The following STK32B variants were observed in gnomAD, a reference collection of about 807,000 sequenced individuals.
The protein encoded by STK32B is serine/threonine kinase 32B.
STK32B carries 43 observed loss-of-function variants against 52.6 expected under a neutral mutation model. The ratio of observed to expected loss-of-function variants is 0.82; its 90% CI spans 0.64 to 1.05. STK32B has a LOEUF of 1.05. STK32B is among the 50% of genes least tolerant of loss of function. The pLI is 0.00. For missense variants in STK32B, 621 were observed against 534.6 expected, an observed-to-expected ratio of 1.16 and a Z score of -1.59; for synonymous variants, 238 against 204.3, an observed-to-expected ratio of 1.17 and a Z score of -1.41.
intron 1 of STK32B, among the ~76,000 whole-genome samples, chr4:5,091,658 C>T (rs1713086279): frequency 6.6e-6 from 1 of 152,118 alleles, no homozygotes; most frequent in African/African-American, 2.4e-5. Context: ...AACAGCTTGA[C>T]AGTTCCTAAA....
rs746593273 is a variant in STK32B at position 5,446,752 on chromosome 4, A to C, written c.642A>C (p.Thr214=). ...TCGACTGGTGGTCCCTGGGCATCAC[A>C]GCCTATGAGCTGCTGCGGGGCTGGG... ...YPVDWWSLGI[T]AYELLRGWRP... The change falls in exon 7 of 12, where the codon ACA becomes ACC. Residue 214 remains threonine (T), a synonymous_variant. Coordinates refer to ENST00000282908, the MANE Select transcript of STK32B (RefSeq NM_018401.3). 28 of 1,613,892 alleles carry C rather than the reference A, an allele frequency of 1.7e-5. No homozygotes were observed. In the Middle Eastern group the frequency reaches 6.6e-4, roughly 38 times the overall value.
At chr4:5,139,635 G>C in intron 1 of STK32B, 1 of 458,908 alleles carries the variant, frequency 2.2e-6, no homozygotes, top group African/African-American at 1.9e-5. Context: ...GCAGAAGTGG[G>C]GTAGAGAGTG....
intron 3 of STK32B, among the ~76,000 whole-genome samples, chr4:5,266,784 TTG>T (rs1727084588): frequency 6.6e-6 from 1 of 152,324 alleles, no homozygotes; most frequent in South Asian, 2.1e-4. Flanking sequence ...ATCCAGATTC[TTG>T]TGTCTTTGCA....
intron 1 of STK32B, among the ~76,000 whole-genome samples, chr4:5,081,642 T>A (rs1712434888): frequency 6.6e-6 from 1 of 152,170 alleles, no homozygotes; most frequent in Non-Finnish European, 1.5e-5. Context: ...GATTCTTTAT[T>A]CTTCTTGATC....
At chr4:5,263,656 A>G (rs747388067) in intron 3 of STK32B, among the ~76,000 whole-genome samples, 9 of 152,218 alleles carry the variant, frequency 5.9e-5, no homozygotes, top group Non-Finnish European at 1.0e-4. Context: ...AGTATTTTAC[A>G]TATTATGATA....
At position 5,456,978 on chromosome 4, in the gene STK32B, C is replaced by T. The variant is rs900789859; in HGVS notation, c.783+55C>T. The T allele has an allele frequency of 1.6e-5, 21 of 1,277,354 alleles. No homozygotes were observed. The East Asian group carries it at 2.9e-4, about 18-fold the overall frequency. The allele number at this position is 1,277,354 out of a possible 1,614,324, so 79.1% of individuals were successfully genotyped here. On this transcript the variant is annotated intron_variant, in intron 8 of 11. Coordinates refer to ENST00000282908, the MANE Select transcript of STK32B (RefSeq NM_018401.3). ...CAGGGAGCTACGGTGAGTGTAGAAACAGCCATATCAGCAAACGAAGGGGTG... is the reference window on the plus strand; with the variant it reads ...CAGGGAGCTACGGTGAGTGTAGAAATAGCCATATCAGCAAACGAAGGGGTG...
intron 3 of STK32B, among the ~76,000 whole-genome samples, chr4:5,317,513 A>C (rs1180822558): frequency 1.2e-5 from 1 of 85,308 alleles, no homozygotes; most frequent in Non-Finnish European, 2.0e-5. Flanking sequence ...TATATGTATA[A>C]TATATTTATT....
chr4:5,268,390 C>T (rs1156581364), intron 3 of STK32B, among the ~76,000 whole-genome samples: 3 of 152,146 alleles, frequency 2.0e-5, no homozygotes, highest in South Asian at 2.1e-4. Context: ...AGGACCTTTG[C>T]GTAGCCGCTT....
At position 5,430,923 on chromosome 4, in the gene STK32B, A is replaced by G. The variant is rs535453507; in HGVS notation, c.562+13989A>G. On this transcript the variant is annotated intron_variant, in intron 6 of 11. Coordinates refer to ENST00000282908, the MANE Select transcript of STK32B (RefSeq NM_018401.3). Reference sequence around the variant, plus strand: ...CTCTCTGTGCTCCTGTTCTCTAGCAATAGGCTTCTGTTTCTAGTTCCTTGA... The same window carrying G: ...CTCTCTGTGCTCCTGTTCTCTAGCAGTAGGCTTCTGTTTCTAGTTCCTTGA... 1.3e-3 allele frequency among the ~76,000 whole-genome samples: 191 copies of G among 152,294 alleles called. 1 individual carries two copies. Among genetic ancestry groups the G allele is most frequent in the Middle Eastern group, 6.8e-3 (2 of 294 alleles).
chr4:5,139,874 G>C (rs767259297), intron 1 of STK32B, 31 bp from the exon 2 acceptor site: 2 of 1,614,016 alleles, frequency 1.2e-6, no homozygotes, highest in East Asian at 4.5e-5. Flanking sequence ...TAGCAAATCT[G>C]ACTTGTTTCC....
At chr4:5,262,585 A>G (rs1296207394) in intron 3 of STK32B, among the ~76,000 whole-genome samples, 2 of 151,308 alleles carry the variant, frequency 1.3e-5, no homozygotes, top group Non-Finnish European at 2.9e-5. Context: ...GGATCGTGCC[A>G]CTGCACTCCA....
chr4:5,370,264 A>G (rs553611107), intron 4 of STK32B, among the ~76,000 whole-genome samples: 2 of 152,352 alleles, frequency 1.3e-5, no homozygotes, highest in African/African-American at 4.8e-5. Context: ...CCTTGCAGAC[A>G]TCTTGTTCGC....
intron 2 of STK32B, 106 bp downstream of exon 2, chr4:5,140,066 T>G: frequency 6.6e-7 from 1 of 1,511,206 alleles, no homozygotes; most frequent in South Asian, 1.1e-5. Context: ...ACAGTAAGAT[T>G]TCGACTTGAC....
chr4:5,047,793 A>G (rs1741647431), upstream of STK32B, among the ~76,000 whole-genome samples: 1 of 152,200 alleles, frequency 6.6e-6, no homozygotes, highest in Admixed American at 6.5e-5. Flanking sequence ...AGTGGCCCCC[A>G]GTAAAATATG....
Position 5,380,431 on chromosome 4 carries a change from C to G in STK32B, c.435-17776C>G, listed in dbSNP as rs1213996283. On this transcript the variant is annotated intron_variant, in intron 4 of 11. Transcript: ENST00000282908. This position sits in a 1 kb window ranked among gnomAD's most constrained non-coding sequence, Gnocchi z 4.3. ...ACTCTGAAGAGGTACAGGAATTTTC[C>G]TGATGCTATGTCTAATTTTGTGAAC... Among the ~76,000 whole-genome samples the G allele has an allele frequency of 6.6e-6, 1 of 152,136 alleles. No individual in the cohort carries two copies. The highest frequency in any genetic ancestry group is 1.5e-5 in the Non-Finnish European group (1 of 68,020).
At chr4:5,444,192 C>T (rs34339160) in intron 6 of STK32B, among the ~76,000 whole-genome samples, 12 of 152,226 alleles carry the variant, frequency 7.9e-5, no homozygotes, top group African/African-American at 2.9e-4. Context: ...GGGCGCCCCT[C>T]CCCCAGCCTC....
intron 5 of STK32B, among the ~76,000 whole-genome samples, chr4:5,413,162 C>G (rs1201418778): frequency 6.6e-6 from 1 of 152,192 alleles, no homozygotes; most frequent in Non-Finnish European, 1.5e-5. Flanking sequence ...AACTACCCCA[C>G]AAGGCCCTAT....
chr4:5,499,085 C>T lies in STK32B; in HGVS notation c.*2C>T, dbSNP rs1322829846. 6.2e-7 allele frequency: 1 copy of T among 1,607,356 alleles called. No individual in the cohort carries two copies. The highest frequency in any genetic ancestry group is 8.5e-7 in the Non-Finnish European group (1 of 1,176,332). ...TGCACCCGTGGCTGCAGCAGCTGAG[C>T]CCACACTTGTTGCTGCTCAACAGGA... On this transcript the variant is annotated 3_prime_UTR_variant, in exon 12 of 12. Coordinates refer to ENST00000282908, the MANE Select transcript of STK32B (RefSeq NM_018401.3).
At chr4:5,381,107 G>C (rs1350030639) in intron 4 of STK32B, among the ~76,000 whole-genome samples, 2 of 152,206 alleles carry the variant, frequency 1.3e-5, no homozygotes, top group Non-Finnish European at 2.9e-5. Flanking sequence ...TTCGTCCACT[G>C]TATTTTAAGT....
Sources: gnomAD v4.1 joint callset for allele counts (sites outside exome capture counted in the v4.1 genomes callset) on GRCh38, gnomAD v4.1.1 for gene constraint, Gnocchi (gnomAD v3.1) non-coding constraint, MANE v1.5 for transcripts, NCBI Gene and HGNC (gene_info 2026-07-23, HGNC 2026-07-21) for gene names.